CENPF: variants seen among roughly 807,000 people sequenced by gnomAD.
CENPF encodes AH antigen.
In CENPF, 214 loss-of-function variants were observed where a neutral mutation model predicts 307.3. The ratio of observed to expected loss-of-function variants is 0.70; its 90% CI spans 0.62 to 0.78. CENPF has a LOEUF of 0.78. Among genes scored for constraint, CENPF ranks in the 30% least tolerant of loss-of-function variants. The pLI is 0.00. For synonymous variants in CENPF, 1,259 were observed against 1,270.6 expected, an observed-to-expected ratio of 0.99 and a Z score of 0.19; for missense variants, 3,401 against 3,483.9, an observed-to-expected ratio of 0.98 and a Z score of 0.60.
chr1:214,620,631 T>C, intron 5 of CENPF, 24 bp from the exon 6 acceptor site: 1 of 1,594,168 alleles, frequency 6.3e-7, no homozygotes, highest in Non-Finnish European at 8.5e-7. Context: ...TTTAAAGGCC[T>C]CTAAAGAGAT....
chr1:214,655,605 G>GT (rs1163774506), intron 17 of CENPF, among the ~76,000 whole-genome samples: 2 of 151,690 alleles, frequency 1.3e-5, no homozygotes, highest in African/African-American at 4.8e-5. Flanking sequence ...GCCTTTTTTT[G>GT]TTTCGTTTTT....
intron 1 of CENPF, chr1:214,605,793 T>C: frequency 6.3e-7 from 1 of 1,590,958 alleles, no homozygotes. Flanking sequence ...TCCACCGCCT[T>C]GGGGCAGCGC....
At chr1:214,651,066 C>CT (rs1658448443) in intron 14 of CENPF, among the ~76,000 whole-genome samples, 2 of 152,112 alleles carry the variant, frequency 1.3e-5, no homozygotes. Context: ...CCATGAAAAG[C>CT]TTTTTTAGGA....
chr1:214,664,047 T>C lies in CENPF; in HGVS notation c.*253T>C. ...TAGTATAAAGCTATGTATATAAAGC[T>C]TTTTGGTAATATGTTACAATTAAAA... On this transcript the variant is annotated 3_prime_UTR_variant, in exon 20 of 20. Transcript: ENST00000366955. 2.9e-6 allele frequency: 1 copy of C among 346,576 alleles called. No homozygotes were observed. The highest frequency in any genetic ancestry group is 5.2e-6 in the Non-Finnish European group (1 of 192,930). 21.5% of individuals were successfully genotyped at this position (346,576 alleles called of 1,614,324 possible). A position where few individuals can be genotyped will look rare whatever the true frequency, so the allele number is the denominator to read the frequency against.
At position 214,622,150 on chromosome 1, in the gene CENPF, A is replaced by G. The variant is rs752125470; in HGVS notation, c.937A>G (p.Asn313Asp). 1.2e-6 allele frequency: 2 copies of G among 1,614,086 alleles called. No individual in the cohort carries two copies. Among genetic ancestry groups the G allele is most frequent in the Non-Finnish European group, 1.7e-6 (2 of 1,179,962 alleles). The change falls in exon 7 of 20, where the codon AAT becomes GAT. Residue 313 changes from asparagine (N) to aspartate (D), a missense_variant. By Grantham distance (23) the Asn-to-Asp change is conservative. Transcript: ENST00000366955. The part of the protein sequence containing the change: ...GHEKEMKGQV[N>D]KFQELQLQLE... ...TGAAAAAGAAATGAAAGGCCAAGTG[A>G]ATAAGTTTCAAGAACTCCAACTCCA...
chr1:214,662,058 T>C (rs1429160331), intron 19 of CENPF, among the ~76,000 whole-genome samples: 2 of 152,154 alleles, frequency 1.3e-5, no homozygotes, highest in Non-Finnish European at 2.9e-5. Flanking sequence ...TATCAGAAAT[T>C]GAGTCTAGAG....
Position 214,614,834 on chromosome 1 carries a change from T to C in CENPF, c.165T>C (p.Val55=). Residue 55 remains valine (V), a splice_region_variant and synonymous_variant, in exon 3 of 20, where the codon GTT becomes GTC. Transcript: ENST00000366955. ...EAALQKQKQK[V]ENEKTEGTNL... ...GTCTTCTGAACAATTCTCATTAGGT[T>C]GAAAATGAAAAAACCGAGGGTACAA... 1 of 1,569,500 alleles carries C rather than the reference T, an allele frequency of 6.4e-7. No individual in the cohort carries two copies. The highest frequency in any genetic ancestry group is 8.6e-7 in the Non-Finnish European group (1 of 1,160,870).
At chr1:214,627,941 TAG>T (rs1377355097) in intron 7 of CENPF, among the ~76,000 whole-genome samples, 2 of 152,210 alleles carry the variant, frequency 1.3e-5, no homozygotes, top group Non-Finnish European at 2.9e-5. Context: ...ATGCTGTTTG[TAG>T]AGTGTCTTTT....
Position 214,646,370 on chromosome 1 carries a change from A to T in CENPF, c.6800A>T (p.Glu2267Val). The T allele has an allele frequency of 6.2e-7, 1 of 1,614,148 alleles. No individual in the cohort carries two copies. The highest frequency in any genetic ancestry group is 8.5e-7 in the Non-Finnish European group (1 of 1,180,018). ...GAGATGCTTCAGAATCAGTTAAAGG[A>T]GCTAAATGAGGCAGTAGCAGCCTTG... ...AVEMLQNQLKELNEAVAALCG... is the reference protein window; with the variant it reads ...AVEMLQNQLKVLNEAVAALCG... The change falls in exon 13 of 20, where the codon GAG becomes GTG. Residue 2267 changes from glutamate to valine, a missense_variant. Physicochemically the swap from Glu to Val is moderately radical, Grantham distance 121. Transcript: ENST00000366955.
intron 1 of CENPF, among the ~76,000 whole-genome samples, chr1:214,610,860 A>G (rs1657178477): frequency 6.6e-6 from 1 of 152,118 alleles, no homozygotes; most frequent in Non-Finnish European, 1.5e-5. Context: ...TAATTTTTGT[A>G]TATGGTGTAA....
intron 10 of CENPF, among the ~76,000 whole-genome samples, chr1:214,635,941 CT>C (rs1217600814): frequency 1.3e-5 from 2 of 152,054 alleles, no homozygotes; most frequent in African/African-American, 2.4e-5. Context: ...GTCTTTCCAG[CT>C]TTCTTGTCAA....
chr1:214,646,424 C>G lies in CENPF; in HGVS notation c.6854C>G (p.Thr2285Arg), dbSNP rs1302897260. The change falls in exon 13 of 20, where the codon ACA (threonine) becomes AGA (arginine). Residue 2285 changes from threonine (T) to arginine (R), a missense_variant. Coordinates refer to ENST00000366955, the MANE Select transcript of CENPF (RefSeq NM_016343.4). Reference sequence around the variant, plus strand: ...GGTGACCAAGAAATTATGAAGGCCACAGAACAGAGTCTAGACCCACCAATA... The same window carrying G: ...GGTGACCAAGAAATTATGAAGGCCAGAGAACAGAGTCTAGACCCACCAATA... ...LCGDQEIMKA[T>R]EQSLDPPIEE... 1 of 1,613,936 alleles carries G rather than the reference C, an allele frequency of 6.2e-7. No individual in the cohort carries two copies. The highest frequency in any genetic ancestry group is 1.3e-5 in the African/African-American group (1 of 74,900).
Position 214,615,044 on chromosome 1 carries a change from G to T in CENPF, c.359+16G>T. ...AACTTAAAAGGTAATATTTTGGGAT[G>T]GTATTTATAGGGATGATATTTGTAT... On this transcript the variant is annotated intron_variant, in intron 3 of 19. Coordinates refer to ENST00000366955, the MANE Select transcript of CENPF (RefSeq NM_016343.4). The T allele has an allele frequency of 6.6e-7, 1 of 1,514,890 alleles. No individual in the cohort carries two copies. Among genetic ancestry groups the T allele is most frequent in the Admixed American group, 1.9e-5 (1 of 51,922 alleles). The allele number at this position is 1,514,890 out of a possible 1,614,324, so 93.8% of individuals were successfully genotyped here.
At chr1:214,653,672 A>AT (rs1658552759) in intron 16 of CENPF, 1 of 152,740 alleles carries the variant, frequency 6.5e-6, no homozygotes, top group African/African-American at 2.4e-5. Context: ...AGACGATTAT[A>AT]TTTTTTAAAT....
At position 214,640,426 on chromosome 1, in the gene CENPF, G is replaced by C. The variant is rs199610174; in HGVS notation, c.2088G>C (p.Gln696His). ...GTAAGTCAGTGGAGGTAGAGACCCAGAAACTAGCTTATATGGAGCTACAGC... is the reference window on the plus strand; with the variant it reads ...GTAAGTCAGTGGAGGTAGAGACCCACAAACTAGCTTATATGGAGCTACAGC... ...LDSKSVEVET[Q>H]KLAYMELQQK... The change falls in exon 12 of 20, where the codon CAG (glutamine) becomes CAC (histidine). Residue 696 changes from glutamine to histidine, a missense_variant. By Grantham distance (24) the Gln-to-His change is conservative (BLOSUM62 0). Transcript: ENST00000366955. 3.1e-6 allele frequency: 5 copies of C among 1,614,020 alleles called. No individual in the cohort carries two copies. The highest frequency in any genetic ancestry group is 4.2e-6 in the Non-Finnish European group (5 of 1,179,994).
In CENPF at chr1:214,645,859, C is replaced by T. The variant is rs781764087; in HGVS notation, c.6289C>T (p.Leu2097=). Residue 2097 remains leucine (L), a synonymous_variant, in exon 13 of 20, where the codon CTG becomes TTG. Transcript: ENST00000366955. ...LNVSKALEAA[L]VEKGEFALRL... Reference sequence around the variant, plus strand: ...TGTCTCCAAGGCCTTGGAGGCCGCACTGGTGGAGAAAGGTGAGTTCGCATT... The same window carrying T: ...TGTCTCCAAGGCCTTGGAGGCCGCATTGGTGGAGAAAGGTGAGTTCGCATT... 1.8e-5 allele frequency: 29 copies of T among 1,613,996 alleles called. 1 individual carries two copies. The South Asian group carries it at 3.2e-4, about 18-fold the overall frequency.
At chr1:214,615,209 T>A (rs1188753896) in intron 3 of CENPF, 181 bp downstream of exon 3, 1 of 464,880 alleles carries the variant, frequency 2.2e-6, no homozygotes, top group Non-Finnish European at 3.9e-6. Context: ...AAACAAACAG[T>A]GATTTGGTTT....
Position 214,630,556 on chromosome 1 carries a change from C to T in CENPF, c.1217C>T (p.Ser406Phe). Residue 406 changes from serine to phenylalanine, a missense_variant, in exon 9 of 20, where the codon TCT becomes TTT. Ser to Phe is a radical substitution (Grantham distance 155). Transcript: ENST00000366955. ...CAGGAGCTCTCCCGTCAACAGCGTTCTTTCCAAACACTGGACCAGGAGTGC... is the reference window on the plus strand; with the variant it reads ...CAGGAGCTCTCCCGTCAACAGCGTTTTTTCCAAACACTGGACCAGGAGTGC... ...FQEELSRQQR[S>F]FQTLDQECIQ... 1 of 1,614,138 alleles carries T rather than the reference C, an allele frequency of 6.2e-7. No homozygotes were observed. The highest frequency in any genetic ancestry group is 8.5e-7 in the Non-Finnish European group (1 of 1,180,016).
rs746054667 is a variant in CENPF at position 214,641,801 on chromosome 1, C to A, written c.3463C>A (p.Gln1155Lys). Residue 1155 changes from glutamine to lysine, a missense_variant, in exon 12 of 20, where the codon CAG becomes AAG. Transcript: ENST00000366955. ...EVNDLLQENE[Q>K]LMKVMKTKHE... The stretch of plus-strand genomic sequence containing the variant: ...TAATGACTTATTACAAGAGAATGAA[C>A]AGCTGATGAAGGTAATGAAGACTAA... The A allele has an allele frequency of 6.2e-7, 1 of 1,604,852 alleles. No homozygotes were observed. The highest frequency in any genetic ancestry group is 1.7e-5 in the Admixed American group (1 of 57,530).
Sources: gnomAD v4.1 joint callset for allele counts (sites outside exome capture counted in the v4.1 genomes callset) on GRCh38, gnomAD v4.1.1 for gene constraint, MANE v1.5 for transcripts, NCBI Gene and HGNC (gene_info 2026-07-23, HGNC 2026-07-21) for gene names.